Variants in NEB observed in about 807,000 individuals in gnomAD.
NEB encodes the protein nebulin.
In NEB, 512 loss-of-function variants were observed where a neutral mutation model predicts 952.2. The ratio of observed to expected loss-of-function variants is 0.54; its 90% confidence interval spans 0.50 to 0.58. The LOEUF is 0.58. NEB is among the 20% of genes least tolerant of loss of function. NEB has a pLI of 0.00. For missense variants in NEB, 8,428 were observed against 9,231.1 expected, an observed-to-expected ratio of 0.91 and a Z score of 3.56; for synonymous variants, 2,900 against 3,149.8, an observed-to-expected ratio of 0.92 and a Z score of 2.66.
In NEB at chr2:151,677,496, T is replaced by G; in HGVS notation, c.3774+69A>C. 3.4e-6 allele frequency: 4 copies of G among 1,164,830 alleles called. No homozygotes were observed. The Admixed American group carries it at 1.2e-4, about 35-fold the overall frequency. 72.2% of individuals were successfully genotyped at this position (1,164,830 alleles called of 1,614,324 possible). A position where few individuals can be genotyped will look rare whatever the true frequency, so the allele number is the denominator to read the frequency against. ...ATATTGGCCCAGAAAAAAAATATAT[T>G]GGGCTGCTGTTTACTTTTCTAAAAA... On this transcript the variant is annotated intron_variant, in intron 34 of 181. Coordinates refer to ENST00000397345, the MANE Select transcript of NEB (RefSeq NM_001164508.2).
At position 151,664,607 on chromosome 2, in the gene NEB, T is replaced by G. The variant is rs1316800622; in HGVS notation, c.5345A>C (p.Lys1782Thr). 16 of 1,597,968 alleles carry G rather than the reference T, an allele frequency of 1.0e-5. No individual in the cohort carries two copies. The highest frequency in any genetic ancestry group is 1.4e-5 in the Non-Finnish European group (16 of 1,171,346). ...SRVNQITMSDKLYKAGWEEEK... is the reference protein window; with the variant it reads ...SRVNQITMSDTLYKAGWEEEK... ...CTCTTCCCAGCCAGCTTTGTACAGT[T>G]TCTAAACAATAAAATAGAAAAACAA... Residue 1782 changes from lysine (K) to threonine (T), a missense_variant and splice_region_variant, in exon 44 of 182, where the codon AAA (lysine) becomes ACA (threonine). Lys to Thr is a moderately conservative substitution (Grantham distance 78, BLOSUM62 -1). Around this residue, in one of 11 missense-constraint regions of NEB, gnomAD observed 2,851 missense variants for 2,791.5 expected, o/e 1.02. Coordinates refer to ENST00000397345, the MANE Select transcript of NEB (RefSeq NM_001164508.2).
rs768201850 is a variant in NEB at position 151,537,861 on chromosome 2, T to A, written c.21102+11A>T. On this transcript the variant is annotated intron_variant, in intron 140 of 181. Transcript: ENST00000397345. Reference sequence around the variant, plus strand: ...AATTTATATGTGAAAATAGAAGATGTCAACACTCACATCACTGACTGTGTC... The same window carrying A: ...AATTTATATGTGAAAATAGAAGATGACAACACTCACATCACTGACTGTGTC... 6 of 1,554,336 alleles carry A rather than the reference T, an allele frequency of 3.9e-6. No homozygotes were observed. The highest frequency in any genetic ancestry group is 1.9e-5 in the Admixed American group (1 of 53,436).
intron 124 of NEB, among the ~76,000 whole-genome samples, chr2:151,556,970 A>T (rs1310645450): frequency 6.6e-6 from 1 of 152,220 alleles, no homozygotes; most frequent in East Asian, 1.9e-4. Flanking sequence ...GAGAAGCAAG[A>T]GCAAACAAAT....
At chr2:151,706,020 G>T (rs957492346) in intron 13 of NEB, among the ~76,000 whole-genome samples, 1 of 152,172 alleles carries the variant, frequency 6.6e-6, no homozygotes, top group African/African-American at 2.4e-5. Context: ...CAACACTAAA[G>T]AACTTTTCCA....
intron 165 of NEB, among the ~76,000 whole-genome samples, chr2:151,504,823 C>T (rs1444069096): frequency 2.6e-5 from 4 of 152,148 alleles, no homozygotes; most frequent in South Asian, 2.1e-4. Flanking sequence ...GTGGGGGACA[C>T]GTGCCCTGCA....
chr2:151,574,220 T>G (rs1360031137), intron 107 of NEB, among the ~76,000 whole-genome samples: 1 of 152,218 alleles, frequency 6.6e-6, no homozygotes, highest in Non-Finnish European at 1.5e-5. Context: ...GTGATTCGCC[T>G]GCCTTGGCCT....
At chr2:151,676,398 T>TC in intron 34 of NEB, among the ~76,000 whole-genome samples, 1 of 152,188 alleles carries the variant, frequency 6.6e-6, no homozygotes, top group East Asian at 1.9e-4. Context: ...TCTTCTCACC[T>TC]CCAGTCTCTC....
chr2:151,646,940 A>T (rs2098967522), intron 54 of NEB, among the ~76,000 whole-genome samples: 1 of 150,756 alleles, frequency 6.6e-6, no homozygotes. Flanking sequence ...CTTCTATGTG[A>T]CTTAGTATTT....
rs1188770919 is a variant in NEB, at chr2:151,664,488, T to A, written c.5451+13A>T. On this transcript the variant is annotated intron_variant, in intron 44 of 181. Coordinates refer to ENST00000397345, the MANE Select transcript of NEB (RefSeq NM_001164508.2). ...CTTGCTCAACCCCAAAAAGGCCCAG[T>A]GCAAGCACTTACATCACTGGCAATG... 1 of 1,557,762 alleles carries A rather than the reference T, an allele frequency of 6.4e-7. No individual in the cohort carries two copies. Among genetic ancestry groups the A allele is most frequent in the Non-Finnish European group, 8.7e-7 (1 of 1,154,210 alleles).
At chr2:151,542,224 C>G (rs2094158727) in intron 135 of NEB, among the ~76,000 whole-genome samples, 1 of 152,150 alleles carries the variant, frequency 6.6e-6, no homozygotes, top group South Asian at 2.1e-4. Flanking sequence ...TCCTCATCAG[C>G]CTTCCTCTGG....
Position 151,535,545 on chromosome 2 carries a change from A to G in NEB, c.21312+146T>C, listed in dbSNP as rs959776988. ...GCAGAGCTTGTTGGATGGTGACATT[A>G]TAGAGTCTTTTCCAAATCTTTAGTT... is the stretch of plus-strand genomic sequence containing the variant. On this transcript the variant is annotated intron_variant, in intron 142 of 181. Transcript: ENST00000397345. 1.3e-5 allele frequency: 7 copies of G among 553,136 alleles called. No individual in the cohort carries two copies. The African/African-American group carries it at 1.3e-4, about 11-fold the overall frequency. 34.3% of individuals were successfully genotyped at this position (553,136 alleles called of 1,614,324 possible). A position where few individuals can be genotyped will look rare whatever the true frequency, so the allele number is the denominator to read the frequency against.
At chr2:151,625,910 T>A (rs2098513212) in intron 70 of NEB, among the ~76,000 whole-genome samples, 1 of 151,982 alleles carries the variant, frequency 6.6e-6, no homozygotes, top group South Asian at 2.1e-4. Flanking sequence ...GGTAACCAGG[T>A]CACTCTCACC....
chr2:151,612,436 C>G, intron 77 of NEB, 47 bp from the exon 78 acceptor site: 1 of 1,518,050 alleles, frequency 6.6e-7, no homozygotes, highest in African/African-American at 1.4e-5. Flanking sequence ...ACCTAGACGG[C>G]CTGGTGCCTG....
At chr2:151,710,301 C>A in intron 11 of NEB, 133 bp downstream of exon 11, 2 of 505,554 alleles carry the variant, frequency 4.0e-6, no homozygotes, top group Non-Finnish European at 7.0e-6. Flanking sequence ...AGGAACTCTG[C>A]ACCAGGTCTT....
chr2:151,530,480 G>A lies in NEB; in HGVS notation c.21630+514C>T, dbSNP rs187133171. On this transcript the variant is annotated intron_variant, in intron 145 of 181. Transcript: ENST00000397345. ...AGTAAACTGTTCCGAGGGAGCCATA[G>A]TGGGGTTTACTAAACTGATCATAGG... Among the ~76,000 whole-genome samples, 5 of 152,356 alleles carry A rather than the reference G, an allele frequency of 3.3e-5. No homozygotes were observed. In the East Asian group the frequency reaches 9.6e-4, roughly 29 times the overall value.
intron 27 of NEB, among the ~76,000 whole-genome samples, chr2:151,686,618 G>A (rs1478191599): frequency 6.6e-6 from 1 of 151,850 alleles, no homozygotes; most frequent in Non-Finnish European, 1.5e-5. Flanking sequence ...GAATTAAAGA[G>A]GTATGTATAG....
At chr2:151,641,791 T>C (rs2098856024) in intron 60 of NEB, among the ~76,000 whole-genome samples, 1 of 152,240 alleles carries the variant, frequency 6.6e-6, no homozygotes, top group Non-Finnish European at 1.5e-5. Flanking sequence ...AATGGAAAGA[T>C]AAAAATTTTT....
chr2:151,526,328 C>G (rs1028576114), intron 148 of NEB, 66 bp from the exon 149 acceptor site: 36 of 1,088,076 alleles, frequency 3.3e-5, no homozygotes, highest in Non-Finnish European at 4.6e-5. Flanking sequence ...TTTATTACAC[C>G]CTCAAACCAG....
rs75118047 is a variant in NEB, at chr2:151,694,638, A to C, written c.1675-9T>G. 4,191 of 1,567,594 alleles carry C rather than the reference A, an allele frequency of 2.7e-3. 90 individuals carry two copies. The East Asian group carries it at 0.055, about 21-fold the overall frequency. On this transcript the variant is annotated splice_polypyrimidine_tract_variant and intron_variant, in intron 18 of 181. Transcript: ENST00000397345. ...TCTTGCTTATAAAGATTCTGGACAAAAAAATTCAGCAAAGGAATTGGCAAA... is the reference window on the plus strand; with the variant it reads ...TCTTGCTTATAAAGATTCTGGACAACAAAATTCAGCAAAGGAATTGGCAAA...
Sources: allele counts gnomAD v4.1 joint callset (sites outside exome capture counted in the v4.1 genomes callset), GRCh38; gene constraint gnomAD v4.1.1; regional missense constraint gnomAD v4.1.1; transcripts MANE v1.5; gene names NCBI Gene and HGNC (gene_info 2026-07-23, HGNC 2026-07-21).